TBC1D5: variants seen among roughly 807,000 people sequenced by gnomAD.
TBC1D5 encodes the protein TBC1 domain family member 5.
TBC1D5 carries 75 observed loss-of-function variants against 100.3 expected under a neutral mutation model. The observed-to-expected ratio is 0.75, with a 90% confidence interval of 0.62 to 0.91. The LOEUF is 0.91. Among genes scored for constraint, TBC1D5 ranks in the 40% least tolerant of loss-of-function variants. TBC1D5 has a pLI of 0.00. For synonymous variants in TBC1D5, 323 were observed against 325.6 expected (o/e 0.99, Z 0.09); for missense variants, 910 against 942.4 (o/e 0.97, Z 0.45).
chr3:17,487,998 T>C lies in TBC1D5; in HGVS notation c.97+20476A>G, dbSNP rs972108031. On this transcript the variant is annotated intron_variant, in intron 3 of 21. Transcript: ENST00000253692. Reference sequence around the variant, plus strand: ...GGTAACAAATTATTATTAAACTCCATAGTTTTACATTAAGCTTCACTCTTT... The same window carrying C: ...GGTAACAAATTATTATTAAACTCCACAGTTTTACATTAAGCTTCACTCTTT... 1.6e-4 allele frequency among the ~76,000 whole-genome samples: 24 copies of C among 152,210 alleles called. 1 individual carries two copies. The highest frequency in any genetic ancestry group is 1.3e-3 in the Admixed American group (20 of 15,274).
rs527719731 is a variant in TBC1D5, at chr3:17,209,085, CA to C, written c.1752+5121del. ...CCCTCCACTTCTTTCTCCCCAGAAACAACCATTTTAAATTCTTTTACCCATT... is the reference window on the plus strand; with the variant it reads ...CCCTCCACTTCTTTCTCCCCAGAAACACCATTTTAAATTCTTTTACCCATT... On this transcript the variant is annotated intron_variant, in intron 18 of 21. Coordinates refer to ENST00000253692, the Ensembl canonical transcript of TBC1D5. Among the ~76,000 whole-genome samples the C allele has an allele frequency of 1.2e-4, 18 of 152,296 alleles. No homozygotes were observed. In the South Asian group the frequency reaches 3.3e-3, roughly 28 times the overall value.
intron 3 of TBC1D5, among the ~76,000 whole-genome samples, chr3:17,464,302 C>T (rs2095266420): frequency 6.6e-6 from 1 of 152,108 alleles, no homozygotes; most frequent in African/African-American, 2.4e-5. Flanking sequence ...GTTTTCACAA[C>T]TAATTACTCC....
At chr3:17,288,207 T>C (rs2081357522) in intron 15 of TBC1D5, among the ~76,000 whole-genome samples, 1 of 152,174 alleles carries the variant, frequency 6.6e-6, no homozygotes, top group Non-Finnish European at 1.5e-5. Context: ...ATAATTGACA[T>C]TAACAACACT....
At chr3:17,391,661 G>A (rs530737865) in intron 8 of TBC1D5, among the ~76,000 whole-genome samples, 1 of 152,160 alleles carries the variant, frequency 6.6e-6, no homozygotes, top group East Asian at 1.9e-4. Context: ...AATTAAGGCT[G>A]TGGGAAAAAG....
intron 13 of TBC1D5, among the ~76,000 whole-genome samples, chr3:17,367,503 T>A (rs1575551133): frequency 6.6e-6 from 1 of 152,182 alleles, no homozygotes; most frequent in East Asian, 1.9e-4. Context: ...TTGACAGGTT[T>A]ATAGAACCTA....
chr3:17,355,829 G>A (rs1026619557), intron 13 of TBC1D5, among the ~76,000 whole-genome samples: 1 of 151,912 alleles, frequency 6.6e-6, no homozygotes, highest in Non-Finnish European at 1.5e-5. Context: ...TGAGAAATAA[G>A]GTTATGCAAT....
At chr3:17,595,135 G>A (rs1287186573) in intron 2 of TBC1D5, among the ~76,000 whole-genome samples, 1 of 152,092 alleles carries the variant, frequency 6.6e-6, no homozygotes, top group African/African-American at 2.4e-5. Context: ...CCAAGTTCTT[G>A]GTTTTAGAAC....
At chr3:17,242,859 G>T (rs1208998844) in intron 16 of TBC1D5, among the ~76,000 whole-genome samples, 1 of 152,048 alleles carries the variant, frequency 6.6e-6, no homozygotes, top group African/African-American at 2.4e-5. Context: ...TAATTACTTT[G>T]AAATGAATAT....
intron 21 of TBC1D5, among the ~76,000 whole-genome samples, chr3:17,164,463 C>T (rs1018901948): frequency 9.2e-5 from 14 of 152,364 alleles, no homozygotes; most frequent in Admixed American, 6.5e-4. Flanking sequence ...CACTGCTCCC[C>T]TAGGCCCTGG....
chr3:17,222,052 A>G (rs1042398343), intron 17 of TBC1D5, among the ~76,000 whole-genome samples: 3 of 152,076 alleles, frequency 2.0e-5, no homozygotes, highest in African/African-American at 7.2e-5. Flanking sequence ...GGATTACTTC[A>G]CTGTTTTTAA....
At chr3:17,162,609 A>G (rs73819651) in intron 21 of TBC1D5, among the ~76,000 whole-genome samples, 1 of 152,184 alleles carries the variant, frequency 6.6e-6, no homozygotes, top group East Asian at 1.9e-4. Flanking sequence ...CTATTAACAC[A>G]TTAACTCCTA....
At chr3:17,340,022 G>C (rs1413422776) in intron 13 of TBC1D5, among the ~76,000 whole-genome samples, 1 of 152,164 alleles carries the variant, frequency 6.6e-6, no homozygotes. Flanking sequence ...ATAGTTGCTA[G>C]CAGTAGGCAA....
chr3:17,366,312 A>AG (rs1224229465), intron 13 of TBC1D5, among the ~76,000 whole-genome samples: 1 of 152,032 alleles, frequency 6.6e-6, no homozygotes, highest in African/African-American at 2.4e-5. Context: ...ACAAAAAAAA[A>AG]CAAAAAAACA....
At chr3:17,484,916 G>C (rs1330223224) in intron 3 of TBC1D5, among the ~76,000 whole-genome samples, 1 of 152,024 alleles carries the variant, frequency 6.6e-6, no homozygotes, top group Non-Finnish European at 1.5e-5. Context: ...CACTCTACTT[G>C]AACTGTCTTA....
chr3:17,660,885 T>A (rs959051740), intron 1 of TBC1D5, among the ~76,000 whole-genome samples: 2 of 152,204 alleles, frequency 1.3e-5, no homozygotes, highest in Non-Finnish European at 1.5e-5. Context: ...AGTACCTATA[T>A]GAAAGCTATT....
intron 18 of TBC1D5, among the ~76,000 whole-genome samples, chr3:17,202,218 T>C (rs1285242100): frequency 6.6e-6 from 1 of 152,262 alleles, no homozygotes; most frequent in Non-Finnish European, 1.5e-5. Flanking sequence ...ATTGTGCCCC[T>C]GCTCTAGGGA....
intron 3 of TBC1D5, among the ~76,000 whole-genome samples, chr3:17,442,855 G>A (rs2094697066): frequency 6.6e-6 from 1 of 151,938 alleles, no homozygotes; most frequent in Non-Finnish European, 1.5e-5. Flanking sequence ...GTAATGGGAA[G>A]GAAGGGAGAA....
At chr3:17,346,841 C>T (rs960162164) in intron 13 of TBC1D5, among the ~76,000 whole-genome samples, 6 of 152,068 alleles carry the variant, frequency 3.9e-5, no homozygotes, top group Non-Finnish European at 5.9e-5. Context: ...ATATTCTATC[C>T]TTCTATACAA....
At chr3:17,672,554 G>C (rs2068061841) in intron 1 of TBC1D5, 1 of 152,052 alleles carries the variant, frequency 6.6e-6, no homozygotes, top group African/African-American at 2.4e-5. Context: ...CTTTTTAAAG[G>C]CATCTTTTTC....
Sources: allele counts gnomAD v4.1 joint callset (sites outside exome capture counted in the v4.1 genomes callset), GRCh38; gene constraint gnomAD v4.1.1; transcripts MANE v1.5; gene names NCBI Gene and HGNC (gene_info 2026-07-23, HGNC 2026-07-21).